The following TMEM108 variants were observed in gnomAD, a reference collection of about 807,000 sequenced individuals.
TMEM108 encodes the protein transmembrane protein 108.
A neutral mutation model predicts 35.1 loss-of-function variants in TMEM108; 12 were observed. The observed-to-expected ratio is 0.34, with a 90% CI of 0.22 to 0.55. The LOEUF (loss-of-function observed/expected upper bound fraction) is 0.55. Ranked by LOEUF, TMEM108 falls within the 20% of genes least tolerant of loss-of-function variation. The probability of loss-of-function intolerance (pLI) is 0.89; values close to 1 mark genes in which losing one functional copy is unlikely to be tolerated. For synonymous variants in TMEM108, 287 were observed against 308.6 expected, an observed-to-expected ratio of 0.93 and a Z score of 0.73; for missense variants, 680 against 753.3, an observed-to-expected ratio of 0.90 and a Z score of 1.14.
intron 2 of TMEM108, among the ~76,000 whole-genome samples, chr3:133,150,542 G>A (rs1559848493): frequency 6.6e-6 from 1 of 151,580 alleles, no homozygotes; most frequent in Non-Finnish European, 1.5e-5. Context: ...TTTTTCTTTT[G>A]TTGCCTGTGC....
intron 2 of TMEM108, among the ~76,000 whole-genome samples, chr3:133,212,882 G>A (rs139111088): frequency 8.2e-4 from 104 of 127,456 alleles, no homozygotes; most frequent in South Asian, 4.4e-3. Flanking sequence ...AAAAAAAAAG[G>A]AAAAAAAAAA....
Position 133,380,917 on chromosome 3 carries a change from G to A in TMEM108, c.1206G>A (p.Glu402=), listed in dbSNP as rs755518271. ...AAAGCACTATTTCTGGAGCCAAGGA[G>A]GAGACTGTGGCCACCCTCACCATGA... ...VSESTISGAK[E]ETVATLTMTD... Residue 402 remains glutamate, a synonymous_variant, in exon 4 of 6, where the codon GAG becomes GAA. Coordinates refer to ENST00000321871, the MANE Select transcript of TMEM108 (RefSeq NM_023943.4). This position sits in a 1 kb window ranked among gnomAD's most constrained non-coding sequence, Gnocchi z 5.3. The A allele has an allele frequency of 1.9e-6, 3 of 1,614,196 alleles. No individual in the cohort carries two copies. The highest frequency in any genetic ancestry group is 2.5e-6 in the Non-Finnish European group (3 of 1,180,020).
chr3:133,132,189 TA>T, intron 2 of TMEM108, among the ~76,000 whole-genome samples: 1 of 152,288 alleles, frequency 6.6e-6, no homozygotes, highest in Non-Finnish European at 1.5e-5. Flanking sequence ...CTAAGATCAT[TA>T]AACACTAAAC....
intron 2 of TMEM108, among the ~76,000 whole-genome samples, chr3:133,076,130 A>G (rs1252755887): frequency 6.6e-6 from 1 of 152,202 alleles, no homozygotes; most frequent in Non-Finnish European, 1.5e-5. Context: ...TTTTAAATAC[A>G]TGTACTTTTA....
At chr3:133,277,243 G>A (rs990539205) in intron 3 of TMEM108, among the ~76,000 whole-genome samples, 37 of 152,130 alleles carry the variant, frequency 2.4e-4, no homozygotes, top group African/African-American at 5.8e-4. Flanking sequence ...TAATTGTACC[G>A]TGGTTATGTA....
intron 3 of TMEM108, among the ~76,000 whole-genome samples, chr3:133,267,247 TC>T (rs1028258836): frequency 1.3e-5 from 2 of 152,172 alleles, no homozygotes; most frequent in Non-Finnish European, 2.9e-5. Flanking sequence ...GTCCTCTGCC[TC>T]TAAGGAGCTC....
chr3:133,074,775 C>T (rs1256355306), intron 2 of TMEM108, among the ~76,000 whole-genome samples: 2 of 152,068 alleles, frequency 1.3e-5, no homozygotes, highest in Non-Finnish European at 2.9e-5. Context: ...AGGCGTGAGC[C>T]ACTGCACCTG....
intron 3 of TMEM108, among the ~76,000 whole-genome samples, chr3:133,234,106 G>A (rs1448628935): frequency 6.6e-6 from 1 of 152,078 alleles, no homozygotes; most frequent in Non-Finnish European, 1.5e-5. Flanking sequence ...TAGACATGAA[G>A]TGCTTGCCCA....
In TMEM108 at chr3:133,102,211, C is replaced by T. The variant is rs141349122; in HGVS notation, c.-47+56191C>T. 4.3e-3 allele frequency among the ~76,000 whole-genome samples: 654 copies of T among 152,288 alleles called. 8 individuals carry two copies. Among genetic ancestry groups the T allele is most frequent in the African/African-American group, 0.015 (617 of 41,544 alleles). ...TGTAGAGATGCCTTCAGGCTGAGAG[C>T]ACTTGACTTGGTATGGGTACTGGTG... On this transcript the variant is annotated intron_variant, in intron 2 of 5. Transcript: ENST00000321871.
At chr3:133,115,871 A>T (rs1274044475) in intron 2 of TMEM108, among the ~76,000 whole-genome samples, 3 of 152,162 alleles carry the variant, frequency 2.0e-5, no homozygotes, top group Non-Finnish European at 4.4e-5. Flanking sequence ...AGTCACTGCC[A>T]TTTTCAAAGG....
chr3:133,179,500 T>G (rs1445749143), intron 2 of TMEM108, among the ~76,000 whole-genome samples: 1 of 152,168 alleles, frequency 6.6e-6, no homozygotes, highest in African/African-American at 2.4e-5. Flanking sequence ...GTTCATGTCC[T>G]TTGTAGGGAC....
chr3:133,164,167 A>G (rs1270432516), intron 2 of TMEM108, among the ~76,000 whole-genome samples: 1 of 152,186 alleles, frequency 6.6e-6, no homozygotes, highest in East Asian at 1.9e-4. Context: ...CACATGGACT[A>G]TATTTTTAGT....
chr3:133,074,769 G>A (rs199608833), intron 2 of TMEM108, among the ~76,000 whole-genome samples: 4 of 152,188 alleles, frequency 2.6e-5, no homozygotes, highest in East Asian at 1.9e-4. Flanking sequence ...GATTACAGGC[G>A]TGAGCCACTG....
chr3:133,097,472 G>A (rs570985328), intron 2 of TMEM108, among the ~76,000 whole-genome samples: 1 of 152,224 alleles, frequency 6.6e-6, no homozygotes, highest in African/African-American at 2.4e-5. Context: ...ACGTTTCCCA[G>A]CCTATAAGTT....
At chr3:133,067,329 A>T (rs1392488052) in intron 2 of TMEM108, among the ~76,000 whole-genome samples, 3 of 152,126 alleles carry the variant, frequency 2.0e-5, no homozygotes, top group African/African-American at 7.2e-5. Context: ...TCTGGTAGGT[A>T]TTTGATGCAT....
At chr3:133,174,723 G>A (rs1361207076) in intron 2 of TMEM108, among the ~76,000 whole-genome samples, 1 of 152,086 alleles carries the variant, frequency 6.6e-6, no homozygotes, top group African/African-American at 2.4e-5. Flanking sequence ...CACAAAGATG[G>A]GGAAAAAACA....
At position 133,387,908 on chromosome 3, in the gene TMEM108, C is replaced by G. The variant is rs146334306; in HGVS notation, c.1451-2272C>G. 4.1e-3 allele frequency: 3,999 copies of G among 985,412 alleles called. 11 individuals carry two copies. The highest frequency in any genetic ancestry group is 4.6e-3 in the Non-Finnish European group (3,786 of 829,920). 61.0% of individuals were successfully genotyped at this position (985,412 alleles called of 1,614,324 possible). ...TTGATTCTGTTTGCTTATAACTGCT[C>G]AGTAGATCAGAGGCACAAATATCTT... On this transcript the variant is annotated intron_variant, in intron 4 of 5. Transcript: ENST00000321871.
chr3:133,209,208 A>ATTTT (rs10685541), intron 2 of TMEM108, among the ~76,000 whole-genome samples: 5 of 144,574 alleles, frequency 3.5e-5, no homozygotes, highest in Admixed American at 6.9e-5. Flanking sequence ...CACCTGGCTA[A>ATTTT]TTTTTTTTTT....
intron 2 of TMEM108, among the ~76,000 whole-genome samples, chr3:133,067,652 G>A (rs1399595854): frequency 6.6e-6 from 1 of 152,130 alleles, no homozygotes; most frequent in African/African-American, 2.4e-5. Context: ...ATATGTTAAG[G>A]TAAGTACTTT....
Sources: allele counts gnomAD v4.1 joint callset (sites outside exome capture counted in the v4.1 genomes callset), GRCh38; gene constraint gnomAD v4.1.1; non-coding constraint Gnocchi (gnomAD v3.1); transcripts MANE v1.5; gene names NCBI Gene and HGNC (gene_info 2026-07-23, HGNC 2026-07-21).